Variants in GULP1 observed in about 807,000 individuals in gnomAD.
The protein encoded by GULP1 is PTB domain-containing engulfment adapter protein 1.
A neutral mutation model predicts 40.9 loss-of-function variants in GULP1; 19 were observed. The ratio of observed to expected loss-of-function variants is 0.46; its 90% CI spans 0.32 to 0.68. The LOEUF (loss-of-function observed/expected upper bound fraction) is 0.68, where lower values mean the gene tolerates loss of function less well. Among genes scored for constraint, GULP1 ranks in the 30% least tolerant of loss-of-function variants. GULP1 has a pLI of 0.03. For missense variants in GULP1, 312 were observed against 362.2 expected, an observed-to-expected ratio of 0.86 and a Z score of 1.12; for synonymous variants, 119 against 117.6, an observed-to-expected ratio of 1.01 and a Z score of -0.08.
chr2:188,367,740 C>T (rs575471259), intron 1 of GULP1, among the ~76,000 whole-genome samples: 5 of 152,222 alleles, frequency 3.3e-5, no homozygotes, highest in African/African-American at 1.2e-4. Context: ...GAATGGGTAG[C>T]TTCTGAGAGG....
At chr2:188,488,836 A>C (rs2062089114) in intron 4 of GULP1, among the ~76,000 whole-genome samples, 1 of 152,010 alleles carries the variant, frequency 6.6e-6, no homozygotes, top group Non-Finnish European at 1.5e-5. Context: ...CTGGAACAAA[A>C]TATTAATGCA....
intron 2 of GULP1, among the ~76,000 whole-genome samples, chr2:188,411,231 C>T (rs2053837356): frequency 6.6e-6 from 1 of 152,116 alleles, no homozygotes; most frequent in Admixed American, 6.5e-5. Context: ...TGTTATTCAT[C>T]CATCGTTGGG....
intron 10 of GULP1, among the ~76,000 whole-genome samples, chr2:188,586,653 G>A (rs956442602): frequency 5.3e-5 from 8 of 152,108 alleles, no homozygotes; most frequent in African/African-American, 1.9e-4. Context: ...AGTTTTAAAA[G>A]CATCTGTATT....
At chr2:188,401,288 G>A (rs1275953602) in intron 2 of GULP1, among the ~76,000 whole-genome samples, 1 of 151,966 alleles carries the variant, frequency 6.6e-6, no homozygotes, top group Non-Finnish European at 1.5e-5. Context: ...AGAAAACTAG[G>A]ACACAGCTGT....
chr2:188,563,155 A>G (rs988451887), intron 7 of GULP1, among the ~76,000 whole-genome samples: 1 of 152,112 alleles, frequency 6.6e-6, no homozygotes. Flanking sequence ...GAAGGTTAAG[A>G]AACACTACAG....
At chr2:188,404,949 C>T (rs1199214219) in intron 2 of GULP1, among the ~76,000 whole-genome samples, 1 of 151,754 alleles carries the variant, frequency 6.6e-6, no homozygotes, top group East Asian at 2.0e-4. Flanking sequence ...CTGCCTGGTG[C>T]CAGGCTGGCC....
chr2:188,479,426 A>G (rs1354304873), intron 3 of GULP1, among the ~76,000 whole-genome samples: 1 of 152,114 alleles, frequency 6.6e-6, no homozygotes. Flanking sequence ...ATAAATAATT[A>G]CATGATATAT....
At chr2:188,331,583 G>C (rs2041587556) in intron 1 of GULP1, among the ~76,000 whole-genome samples, 1 of 152,102 alleles carries the variant, frequency 6.6e-6, no homozygotes, top group South Asian at 2.1e-4. Flanking sequence ...CATTTGATTT[G>C]ATTATAAATT....
chr2:188,434,562 C>A (rs900670187), intron 2 of GULP1, among the ~76,000 whole-genome samples: 1 of 150,068 alleles, frequency 6.7e-6, no homozygotes, highest in African/African-American at 2.5e-5. Flanking sequence ...TTTGTGACAT[C>A]CTTTTGAATC....
chr2:188,562,738 C>T (rs1696632564), intron 7 of GULP1, among the ~76,000 whole-genome samples: 1 of 152,046 alleles, frequency 6.6e-6, no homozygotes, highest in Admixed American at 6.6e-5. Context: ...AGTATACTTT[C>T]CTTTTGAATG....
At chr2:188,423,632 CAG>C (rs2055759750) in intron 2 of GULP1, among the ~76,000 whole-genome samples, 1 of 151,542 alleles carries the variant, frequency 6.6e-6, no homozygotes, top group African/African-American at 2.4e-5. Context: ...CTCTGCTAAT[CAG>C]TATTTTCTAG....
chr2:188,430,570 T>G (rs1478196278), intron 2 of GULP1, among the ~76,000 whole-genome samples: 2 of 152,198 alleles, frequency 1.3e-5, no homozygotes, highest in Non-Finnish European at 2.9e-5. Flanking sequence ...AAACATATGT[T>G]TGGGCTCAGA....
At chr2:188,309,550 A>G (rs1375872442) in intron 1 of GULP1, among the ~76,000 whole-genome samples, 1 of 152,202 alleles carries the variant, frequency 6.6e-6, no homozygotes, top group East Asian at 1.9e-4. Flanking sequence ...CTGATAATGG[A>G]TCAAGATTGA....
chr2:188,492,621 T>C (rs1259782686), intron 4 of GULP1, among the ~76,000 whole-genome samples: 3 of 151,700 alleles, frequency 2.0e-5, no homozygotes, highest in Non-Finnish European at 4.4e-5. Flanking sequence ...TGGGGATGAA[T>C]GGATAGATTC....
intron 1 of GULP1, among the ~76,000 whole-genome samples, chr2:188,331,404 T>C (rs2041557962): frequency 6.6e-6 from 1 of 152,222 alleles, no homozygotes; most frequent in Non-Finnish European, 1.5e-5. Flanking sequence ...CCCTACTTTT[T>C]GGCCATTTTA....
chr2:188,484,010 A>G (rs2061647938), intron 4 of GULP1, among the ~76,000 whole-genome samples: 3 of 152,032 alleles, frequency 2.0e-5, no homozygotes, highest in Admixed American at 2.0e-4. Context: ...TGCAACCTCC[A>G]TCTCCTGGGT....
intron 6 of GULP1, among the ~76,000 whole-genome samples, chr2:188,538,836 T>C (rs1473110722): frequency 1.3e-5 from 2 of 151,532 alleles, no homozygotes; most frequent in Non-Finnish European, 3.0e-5. Flanking sequence ...CACAAAAAAA[T>C]CAATCATTTC....
chr2:188,449,956 TTCTTC>T (rs1377310091), intron 2 of GULP1, among the ~76,000 whole-genome samples: 2 of 152,238 alleles, frequency 1.3e-5, no homozygotes, highest in Non-Finnish European at 2.9e-5. Context: ...TCTTCCTCTT[TTCTTC>T]TCTTTCAGTA....
chr2:188,516,134 C>T (rs2153221014), intron 4 of GULP1, among the ~76,000 whole-genome samples: 1 of 152,200 alleles, frequency 6.6e-6, no homozygotes, highest in African/African-American at 2.4e-5. Context: ...ACATATCTGC[C>T]CTGTTTCCTG....
Sources: allele counts gnomAD v4.1 joint callset (sites outside exome capture counted in the v4.1 genomes callset), GRCh38; gene constraint gnomAD v4.1.1; transcripts MANE v1.5; gene names NCBI Gene and HGNC (gene_info 2026-07-23, HGNC 2026-07-21).